Variants in TEX11 observed in about 807,000 individuals in gnomAD.
TEX11 encodes the protein testis-expressed protein 11.
Under a neutral mutation model 84.4 loss-of-function variants are expected in TEX11, and 7 were observed. The observed-to-expected ratio is 0.08, with a 90% CI of 0.05 to 0.16. The LOEUF (loss-of-function observed/expected upper bound fraction) is 0.16, where lower values mean the gene tolerates loss of function less well. Ranked by LOEUF, TEX11 falls within the 10% of genes least tolerant of loss-of-function variation. The probability of loss-of-function intolerance (pLI) is 1.00; values close to 1 mark genes in which losing one functional copy is unlikely to be tolerated. For missense variants in TEX11, 551 were observed against 660.5 expected (o/e 0.83, Z 1.82); for synonymous variants, 264 against 222.8 (o/e 1.18, Z -1.64).
rs143677343 is a variant in TEX11, at chrX:70,670,312, A to G, written c.1380+65T>C. On this transcript the variant is annotated intron_variant, in intron 16 of 29. Coordinates refer to ENST00000374333, the MANE Select transcript of TEX11 (RefSeq NM_031276.3). ...AACAGCCAGGAAGTCACAGCATGGCATCTATCTCTCTGCCACTGCACATAA... is the reference window on the plus strand; with the variant it reads ...AACAGCCAGGAAGTCACAGCATGGCGTCTATCTCTCTGCCACTGCACATAA... The G allele has an allele frequency of 2.6e-4, 290 of 1,129,076 alleles. 2 individuals are homozygous for G. The African/African-American group carries it at 4.1e-3, about 16-fold the overall frequency. The allele number at this position is 1,129,076 out of a possible 1,213,427, so 93.0% of individuals were successfully genotyped here. A position where few individuals can be genotyped will look rare whatever the true frequency, so the allele number is the denominator to read the frequency against.
At chrX:70,517,417 A>C in the TEX11 span, among the ~76,000 whole-genome samples, 1 of 111,160 alleles carries the variant, frequency 9.0e-6, no homozygotes, top group Non-Finnish European at 1.9e-5. Context: ...TGTGTGATGG[A>C]TTACATTTAT....
intron 7 of TEX11, among the ~76,000 whole-genome samples, chrX:70,852,567 A>AT (rs755712692): frequency 1.8e-5 from 2 of 112,484 alleles, no homozygotes; most frequent in South Asian, 7.4e-4. Flanking sequence ...TAAGTGTATG[A>AT]TGGCAAAAGG....
At chrX:70,804,579 T>C (rs1055189387) in intron 9 of TEX11, among the ~76,000 whole-genome samples, 12 of 112,040 alleles carry the variant, frequency 1.1e-4, no homozygotes, top group African/African-American at 3.9e-4. Flanking sequence ...TTTTCTTCAA[T>C]ATTATTCTAG....
intron 9 of TEX11, among the ~76,000 whole-genome samples, chrX:70,773,837 A>G (rs1182524837): frequency 1.8e-5 from 2 of 111,701 alleles, no homozygotes; most frequent in African/African-American, 6.5e-5. Context: ...AGTTACAGGA[A>G]AAACCTAAAG....
intron 12 of TEX11, 97 bp from the exon 13 acceptor site, chrX:70,722,793 A>G (rs768590410): frequency 3.1e-6 from 2 of 649,273 alleles, no homozygotes; most frequent in Non-Finnish European, 4.8e-6. Context: ...TACTTACTAA[A>G]TGTTTGCCAT....
intron 8 of TEX11, among the ~76,000 whole-genome samples, chrX:70,831,488 C>T: frequency 9.0e-6 from 1 of 111,142 alleles, no homozygotes; most frequent in East Asian, 2.8e-4. Flanking sequence ...AACTAGCCAG[C>T]CTTGGTGGCA....
At chrX:70,887,237 T>C (rs1310752031) in intron 2 of TEX11, among the ~76,000 whole-genome samples, 1 of 111,796 alleles carries the variant, frequency 8.9e-6, no homozygotes, top group Non-Finnish European at 1.9e-5. Flanking sequence ...GGTGCCACCT[T>C]GGCCACAGTA....
intron 13 of TEX11, among the ~76,000 whole-genome samples, chrX:70,709,385 T>C (rs1361347578): frequency 9.0e-6 from 1 of 111,491 alleles, no homozygotes; most frequent in South Asian, 3.8e-4. Context: ...TCTTCAATAT[T>C]GTACCTATCT....
At chrX:70,732,012 T>TGTGC (rs2090656374) in intron 11 of TEX11, among the ~76,000 whole-genome samples, 1 of 112,035 alleles carries the variant, frequency 8.9e-6, no homozygotes, top group African/African-American at 3.2e-5. Flanking sequence ...TGCAAATCAA[T>TGTGC]AAATGTAATC....
intron 9 of TEX11, among the ~76,000 whole-genome samples, chrX:70,788,801 G>A (rs1699472406): frequency 9.7e-6 from 1 of 103,168 alleles, no homozygotes; most frequent in Non-Finnish European, 2.0e-5. Flanking sequence ...AGGAAACAAA[G>A]GCAAAAAGAG....
At chrX:70,520,061 C>T in the TEX11 span, among the ~76,000 whole-genome samples, 1 of 111,746 alleles carries the variant, frequency 8.9e-6, no homozygotes, top group African/African-American at 3.3e-5. Flanking sequence ...TGGGTTCGAA[C>T]ATCCTCCTTT....
intron 20 of TEX11, among the ~76,000 whole-genome samples, chrX:70,618,639 G>C (rs1229865814): frequency 9.0e-6 from 1 of 111,671 alleles, no homozygotes; most frequent in Admixed American, 9.5e-5. Context: ...TAGCCCCAGG[G>C]TATGAGTTTC....
chrX:70,679,484 A>G (rs1603216059), intron 14 of TEX11, among the ~76,000 whole-genome samples: 1 of 93,052 alleles, frequency 1.1e-5, no homozygotes, highest in African/African-American at 4.2e-5. Context: ...CATCCCATCT[A>G]GGAAGTGAGG....
intron 13 of TEX11, 82 bp from the exon 14 acceptor site, chrX:70,682,907 G>T: frequency 1.0e-6 from 1 of 955,044 alleles, no homozygotes; most frequent in Non-Finnish European, 1.4e-6. Flanking sequence ...ATTTCAGTGT[G>T]AGCAAAATAA....
At chrX:70,684,524 T>A (rs1316017193) in intron 13 of TEX11, among the ~76,000 whole-genome samples, 1 of 111,903 alleles carries the variant, frequency 8.9e-6, no homozygotes, top group East Asian at 2.8e-4. Context: ...AGGTGGAGGT[T>A]GCAGTGAGCC....
At chrX:70,750,929 A>ATATATATATATAT (rs1556039277) in intron 9 of TEX11, among the ~76,000 whole-genome samples, 8 of 26,670 alleles carry the variant, frequency 3.0e-4, no homozygotes, top group African/African-American at 7.6e-4. Context: ...AATAAAAAAA[A>ATATATATATATAT]AAAAATATAT....
chrX:70,733,073 T>C (rs745719468), intron 11 of TEX11, among the ~76,000 whole-genome samples: 2 of 111,995 alleles, frequency 1.8e-5, no homozygotes, highest in East Asian at 2.8e-4. Flanking sequence ...ATTTAATAAA[T>C]GGTGCTGGGA....
At chrX:70,815,781 T>G (rs2091283146) in intron 8 of TEX11, among the ~76,000 whole-genome samples, 1 of 111,809 alleles carries the variant, frequency 8.9e-6, no homozygotes, top group Non-Finnish European at 1.9e-5. Context: ...CTTCTACAAG[T>G]GCTGTGTGGC....
chrX:70,647,988 C>T (rs983405996), intron 17 of TEX11, among the ~76,000 whole-genome samples: 18 of 111,706 alleles, frequency 1.6e-4, no homozygotes, highest in African/African-American at 3.3e-4. Flanking sequence ...GCACTATTCA[C>T]GATAGCAAAG....
Sources: allele counts gnomAD v4.1 joint callset (sites outside exome capture counted in the v4.1 genomes callset), GRCh38; gene constraint gnomAD v4.1.1; transcripts MANE v1.5; gene names NCBI Gene and HGNC (gene_info 2026-07-23, HGNC 2026-07-21).